Variants in IMMP2L observed in about 807,000 individuals in gnomAD.
IMMP2L encodes inner mitochondrial membrane peptidase subunit 2.
Under a neutral mutation model 19.3 loss-of-function variants are expected in IMMP2L, and 18 were observed. The ratio of observed to expected loss-of-function variants is 0.93; its 90% CI spans 0.64 to 1.38. The LOEUF (loss-of-function observed/expected upper bound fraction) is 1.38, where lower values mean the gene tolerates loss of function less well. IMMP2L is among the 40% of genes most tolerant of loss of function. The probability of loss-of-function intolerance (pLI) is 0.00; values close to 1 mark genes in which losing one functional copy is unlikely to be tolerated. For synonymous variants in IMMP2L, 76 were observed against 73.0 expected, an observed-to-expected ratio of 1.04 and a Z score of -0.21; for missense variants, 233 against 218.2, an observed-to-expected ratio of 1.07 and a Z score of -0.43.
chr7:111,559,939 G>A (rs746387757), intron 1 of IMMP2L, among the ~76,000 whole-genome samples: 8 of 151,978 alleles, frequency 5.3e-5, no homozygotes, highest in Non-Finnish European at 1.0e-4. Context: ...GGAGTGAGGA[G>A]GGGTGGTAAA....
chr7:111,342,570 G>T (rs906031471), intron 3 of IMMP2L, among the ~76,000 whole-genome samples: 4 of 151,776 alleles, frequency 2.6e-5, no homozygotes, highest in Admixed American at 2.6e-4. Flanking sequence ...CCAGTCTGGC[G>T]ACAGAGTGAG....
intron 3 of IMMP2L, among the ~76,000 whole-genome samples, chr7:111,354,498 G>A (rs1019636535): frequency 2.6e-5 from 4 of 151,408 alleles, no homozygotes; most frequent in Non-Finnish European, 5.9e-5. Context: ...TACATTAAAT[G>A]ATAAATATCA....
intron 5 of IMMP2L, among the ~76,000 whole-genome samples, chr7:110,666,549 C>T (rs561802676): frequency 3.9e-4 from 60 of 152,188 alleles, no homozygotes; most frequent in African/African-American, 1.3e-3. Context: ...GCTGGGATTA[C>T]AGGTGTGAGC....
chr7:111,019,873 T>C (rs892108389), intron 3 of IMMP2L, among the ~76,000 whole-genome samples: 6 of 152,118 alleles, frequency 3.9e-5, no homozygotes, highest in African/African-American at 1.2e-4. Context: ...GCTTTCCATA[T>C]TCATACCTTT....
At position 111,539,210 on chromosome 7, in the gene IMMP2L, GAAAGAAAGAAAGAA is replaced by G. The variant is rs1563330937; in HGVS notation, c.-2-17775_-2-17762del. ...AAGGAAGGAGGGAGAAAGAAAGAAAGAAAGAAAGAAAGAAAGAAAGAAAGAAAGAAAGAAAGAAA... is the reference window on the plus strand; with the variant it reads ...AAGGAAGGAGGGAGAAAGAAAGAAAGAGAAAGAAAGAAAGAAAGAAAGAAA... On this transcript the variant is annotated intron_variant, in intron 1 of 5. Transcript: ENST00000405709. Among the ~76,000 whole-genome samples the G allele has an allele frequency of 7.4e-4, 50 of 67,966 alleles. 1 individual carries two copies. Among genetic ancestry groups the G allele is most frequent in the Middle Eastern group, 9.3e-3 (1 of 108 alleles). 44.6% of individuals were successfully genotyped at this position (67,966 alleles called of 152,430 possible).
At chr7:111,013,342 C>A (rs767108748) in intron 3 of IMMP2L, among the ~76,000 whole-genome samples, 2 of 152,032 alleles carry the variant, frequency 1.3e-5, no homozygotes, top group African/African-American at 4.8e-5. Flanking sequence ...GGCAGGCTGG[C>A]CAATGAAAAG....
intron 5 of IMMP2L, among the ~76,000 whole-genome samples, chr7:110,841,125 C>G (rs950810762): frequency 2.0e-5 from 3 of 151,938 alleles, no homozygotes; most frequent in African/African-American, 7.2e-5. Context: ...ACTGGTATAT[C>G]AGATGAATTA....
At chr7:111,321,222 C>T (rs1293683859) in intron 3 of IMMP2L, among the ~76,000 whole-genome samples, 1 of 151,746 alleles carries the variant, frequency 6.6e-6, no homozygotes, top group Non-Finnish European at 1.5e-5. Flanking sequence ...ACGATAATAC[C>T]AAAAAAGCAT....
At chr7:110,993,166 A>G (rs1400621527) in intron 3 of IMMP2L, among the ~76,000 whole-genome samples, 3 of 152,078 alleles carry the variant, frequency 2.0e-5, no homozygotes, top group Non-Finnish European at 4.4e-5. Context: ...CTGCCTTTCA[A>G]CCTATGCCAG....
chr7:110,988,463 A>C (rs536897174), intron 3 of IMMP2L, among the ~76,000 whole-genome samples: 1 of 152,316 alleles, frequency 6.6e-6, no homozygotes, highest in Middle Eastern at 3.4e-3. Context: ...TGATGTGGCC[A>C]CAGTAACTGC....
intron 3 of IMMP2L, among the ~76,000 whole-genome samples, chr7:110,983,426 A>G (rs1356801805): frequency 6.6e-6 from 1 of 152,014 alleles, no homozygotes; most frequent in Admixed American, 6.6e-5. Flanking sequence ...AATCTTCTCA[A>G]AGTTCACTTG....
chr7:111,333,342 A>T (rs1351346497), intron 3 of IMMP2L, among the ~76,000 whole-genome samples: 1 of 152,038 alleles, frequency 6.6e-6, no homozygotes, highest in Non-Finnish European at 1.5e-5. Context: ...TTGACTTGCT[A>T]TCAGCATTTA....
chr7:110,908,804 T>C (rs932184923), intron 4 of IMMP2L, among the ~76,000 whole-genome samples: 1 of 152,228 alleles, frequency 6.6e-6, no homozygotes, highest in Non-Finnish European at 1.5e-5. Flanking sequence ...AAATGAAATT[T>C]AAATTCCCAG....
chr7:111,516,639 C>G (rs1845892005), intron 2 of IMMP2L, among the ~76,000 whole-genome samples: 1 of 152,034 alleles, frequency 6.6e-6, no homozygotes, highest in African/African-American at 2.4e-5. Context: ...AGGGACATTA[C>G]AAATTTATCA....
intron 5 of IMMP2L, among the ~76,000 whole-genome samples, chr7:110,697,666 G>A (rs942797997): frequency 1.3e-5 from 2 of 151,996 alleles, no homozygotes; most frequent in African/African-American, 2.4e-5. Flanking sequence ...GTGGTGGTGC[G>A]GGCTGTAGTC....
At chr7:111,261,333 C>G (rs981609587) in intron 3 of IMMP2L, among the ~76,000 whole-genome samples, 1 of 152,094 alleles carries the variant, frequency 6.6e-6, no homozygotes, top group African/African-American at 2.4e-5. Flanking sequence ...GAAATACTGA[C>G]TTAGTTGTTG....
chr7:111,280,479 G>A (rs576227519), intron 3 of IMMP2L, among the ~76,000 whole-genome samples: 6 of 152,236 alleles, frequency 3.9e-5, no homozygotes, highest in African/African-American at 1.4e-4. Context: ...TCACAACACA[G>A]AACAGAAGGC....
intron 5 of IMMP2L, among the ~76,000 whole-genome samples, chr7:110,798,107 T>G (rs1344049904): frequency 1.3e-5 from 2 of 151,966 alleles, no homozygotes; most frequent in African/African-American, 4.8e-5. Context: ...ATATATAACT[T>G]TTATTTATCA....
intron 3 of IMMP2L, among the ~76,000 whole-genome samples, chr7:111,316,897 T>A (rs1824163454): frequency 1.5e-5 from 2 of 136,698 alleles, no homozygotes; most frequent in South Asian, 5.2e-4. Flanking sequence ...GTCGCCAGAC[T>A]GGAGTGCAGT....
Sources: gnomAD v4.1 joint callset for allele counts (sites outside exome capture counted in the v4.1 genomes callset) on GRCh38, gnomAD v4.1.1 for gene constraint, MANE v1.5 for transcripts, NCBI Gene and HGNC (gene_info 2026-07-23, HGNC 2026-07-21) for gene names.